C1GALT1: variants seen among roughly 807,000 people sequenced by gnomAD.
C1GALT1 encodes the protein core 1 synthase, glycoprotein-N-acetylgalactosamine 3-beta-galactosyltransferase 1.
C1GALT1 carries 11 observed loss-of-function variants against 31.0 expected under a neutral mutation model. The observed-to-expected ratio is 0.36, with a 90% CI of 0.22 to 0.59. The LOEUF is 0.59. Among genes scored for constraint, C1GALT1 ranks in the 20% least tolerant of loss-of-function variants. The probability of loss-of-function intolerance (pLI) is 0.79; values close to 1 mark genes in which losing one functional copy is unlikely to be tolerated. For synonymous variants in C1GALT1, 175 were observed against 143.6 expected (o/e 1.22, Z -1.56); for missense variants, 424 against 425.2 (o/e 1.00, Z 0.03).
In C1GALT1 at chr7:7,212,631, A is replaced by T. The variant is rs552868508; in HGVS notation, c.-17-21672A>T. On this transcript the variant is annotated intron_variant, in intron 1 of 3. Coordinates refer to ENST00000436587, the MANE Select transcript of C1GALT1 (RefSeq NM_020156.5). ...GTGGGCTGAGTCAGAGAAAGGAGTCATTGAAGGATAGTGGGATTAGCATTG... is the reference window on the plus strand; with the variant it reads ...GTGGGCTGAGTCAGAGAAAGGAGTCTTTGAAGGATAGTGGGATTAGCATTG... 1.2e-4 allele frequency among the ~76,000 whole-genome samples: 19 copies of T among 152,278 alleles called. No individual in the cohort carries two copies. In the South Asian group the frequency reaches 3.7e-3, roughly 30 times the overall value.
At chr7:7,227,732 AAAAG>A (rs1782841085) in intron 1 of C1GALT1, among the ~76,000 whole-genome samples, 1 of 142,982 alleles carries the variant, frequency 7.0e-6, no homozygotes, top group Admixed American at 7.0e-5. Context: ...AAAAAAAAAA[AAAAG>A]GGAAGAGGAA....
chr7:7,211,492 A>T (rs1165620857), intron 1 of C1GALT1, among the ~76,000 whole-genome samples: 2 of 152,256 alleles, frequency 1.3e-5, no homozygotes, highest in Non-Finnish European at 2.9e-5. Flanking sequence ...TCTAAGGATA[A>T]TAATTAAGCA....
intron 3 of C1GALT1, among the ~76,000 whole-genome samples, chr7:7,241,551 ATTTTTTGTAAGTCACCTT>A (rs1163012028): frequency 1.3e-5 from 2 of 152,052 alleles, no homozygotes; most frequent in African/African-American, 4.8e-5. Context: ...TTTGCCCAGG[ATTTTTTGTAAGTCACCTT>A]TTAGGTCCTT....
intron 1 of C1GALT1, among the ~76,000 whole-genome samples, chr7:7,193,005 TG>T (rs1359237384): frequency 1.3e-5 from 2 of 152,162 alleles, no homozygotes; most frequent in East Asian, 3.8e-4. Flanking sequence ...TGGGATTGTT[TG>T]TTTTTTTTCT....
intron 1 of C1GALT1, among the ~76,000 whole-genome samples, chr7:7,213,241 GA>G (rs1782088669): frequency 6.6e-6 from 1 of 152,148 alleles, no homozygotes; most frequent in African/African-American, 2.4e-5. Context: ...CGTCTTTTGA[GA>G]AGGAACAAAG....
At chr7:7,223,987 G>A (rs1223384658) in intron 1 of C1GALT1, among the ~76,000 whole-genome samples, 1 of 152,038 alleles carries the variant, frequency 6.6e-6, no homozygotes, top group African/African-American at 2.4e-5. Context: ...ATTGGATTTT[G>A]TCAAGTATTT....
intron 1 of C1GALT1, among the ~76,000 whole-genome samples, chr7:7,212,787 G>A (rs866413008): frequency 6.6e-6 from 1 of 152,042 alleles, no homozygotes; most frequent in Admixed American, 6.6e-5. Context: ...AGGGGAGGGT[G>A]TATTGTCACA....
In C1GALT1 at chr7:7,245,797, C is replaced by T. The variant is rs1383143502; in HGVS notation, c.*2070C>T. On this transcript the variant is annotated 3_prime_UTR_variant, in exon 4 of 4. Transcript: ENST00000436587. ...ATAGGAAATGAATATTGTGATGAAT[C>T]CTGGGCTCTAGAGTCAGACTTGCTT... 6.6e-6 allele frequency: 1 copy of T among 152,162 alleles called. No homozygotes were observed. Among genetic ancestry groups the T allele is most frequent in the Non-Finnish European group, 1.5e-5 (1 of 68,026 alleles). The allele number at this position is 152,162 out of a possible 1,614,324, so 9.4% of individuals were successfully genotyped here. A position where few individuals can be genotyped will look rare whatever the true frequency, so the allele number is the denominator to read the frequency against.
Position 7,246,851 on chromosome 7 carries a change from C to G in C1GALT1, c.*3124C>G, listed in dbSNP as rs1783867788. ...ATTTTTCAAAAAGCATGTTTTAAAT[C>G]AGTGTAGTCCAGGATCACACTATAT... is the stretch of plus-strand genomic sequence containing the variant. On this transcript the variant is annotated 3_prime_UTR_variant, in exon 4 of 4. Coordinates refer to ENST00000436587, the MANE Select transcript of C1GALT1 (RefSeq NM_020156.5). 1 of 152,128 alleles carries G rather than the reference C, an allele frequency of 6.6e-6. No individual in the cohort carries two copies. The highest frequency in any genetic ancestry group is 2.4e-5 in the African/African-American group (1 of 41,432). The allele number at this position is 152,128 out of a possible 1,614,324, so 9.4% of individuals were successfully genotyped here.
At chr7:7,202,583 T>C (rs1324912740) in intron 1 of C1GALT1, among the ~76,000 whole-genome samples, 1 of 152,214 alleles carries the variant, frequency 6.6e-6, no homozygotes, top group Non-Finnish European at 1.5e-5. Context: ...TTGTTCTGTA[T>C]GTCTGTTTTC....
Position 7,238,009 on chromosome 7 carries a change from G to A in C1GALT1, c.221-246G>A, listed in dbSNP as rs115776062. On this transcript the variant is annotated intron_variant, in intron 2 of 3. Transcript: ENST00000436587. This position sits in a 1 kb window ranked among gnomAD's most constrained non-coding sequence, Gnocchi z 5.2. Reference sequence around the variant, plus strand: ...GCTTTTAATCAGTAAACTACAGTTTGAGACGAATTTAGATTATAATGTCAA... The same window carrying A: ...GCTTTTAATCAGTAAACTACAGTTTAAGACGAATTTAGATTATAATGTCAA... Among the ~76,000 whole-genome samples the A allele has an allele frequency of 0.014, 2,083 of 152,238 alleles. 45 individuals carry two copies. The highest frequency in any genetic ancestry group is 0.047 in the African/African-American group (1,948 of 41,534).
rs566832735 is a variant in C1GALT1 at position 7,247,053 on chromosome 7, A to G, written c.*3326A>G. 6.6e-4 allele frequency: 100 copies of G among 152,312 alleles called. No homozygotes were observed. Among genetic ancestry groups the G allele is most frequent in the African/African-American group, 2.3e-3 (95 of 41,570 alleles). The allele number at this position is 152,312 out of a possible 1,614,324, so 9.4% of individuals were successfully genotyped here. A position where few individuals can be genotyped will look rare whatever the true frequency, so the allele number is the denominator to read the frequency against. On this transcript the variant is annotated 3_prime_UTR_variant, in exon 4 of 4. Transcript: ENST00000436587. Reference sequence around the variant, plus strand: ...ACTAATAAGTACATAATTTATTAAAAACATACATAAGTGTCATCAAAAAGG... The same window carrying G: ...ACTAATAAGTACATAATTTATTAAAGACATACATAAGTGTCATCAAAAAGG...
intron 1 of C1GALT1, among the ~76,000 whole-genome samples, chr7:7,185,181 T>G (rs1020082710): frequency 6.6e-6 from 1 of 152,142 alleles, no homozygotes; most frequent in Non-Finnish European, 1.5e-5. Context: ...CTAAATAAAT[T>G]ATCTAGCACC....
intron 1 of C1GALT1, among the ~76,000 whole-genome samples, chr7:7,224,933 A>AATAG (rs1338270476): frequency 6.6e-6 from 1 of 152,110 alleles, no homozygotes; most frequent in Admixed American, 6.5e-5. Context: ...GTATTTAACC[A>AATAG]ATAGATAGTT....
At chr7:7,182,885 C>G (rs907846172) in intron 1 of C1GALT1, 65 bp downstream of exon 1, 2 of 978,256 alleles carry the variant, frequency 2.0e-6, no homozygotes, top group Non-Finnish European at 1.2e-6. Flanking sequence ...GCCCTCCCCC[C>G]TCTCCGGGTT....
At position 7,210,099 on chromosome 7, in the gene C1GALT1, C is replaced by T. The variant is rs556656220; in HGVS notation, c.-17-24204C>T. On this transcript the variant is annotated intron_variant, in intron 1 of 3. Transcript: ENST00000436587. ...TTACTTCAGGCCATCTGGATGTATA[C>T]GTGCAGGTCACAGGGGATATGATGG... is the stretch of plus-strand genomic sequence containing the variant. Among the ~76,000 whole-genome samples, 64 of 152,284 alleles carry T rather than the reference C, an allele frequency of 4.2e-4. 2 individuals carry two copies. The South Asian group carries it at 9.9e-3, about 24-fold the overall frequency.
intron 2 of C1GALT1, among the ~76,000 whole-genome samples, chr7:7,161,805 A>G (rs1442319996): frequency 1.3e-5 from 2 of 152,170 alleles, no homozygotes; most frequent in African/African-American, 4.8e-5. Context: ...CATATTTTCT[A>G]TGGTAGGTGC....
chr7:7,195,466 T>C (rs1217681917), intron 1 of C1GALT1, among the ~76,000 whole-genome samples: 1 of 152,210 alleles, frequency 6.6e-6, no homozygotes, highest in East Asian at 1.9e-4. Flanking sequence ...TTAATTTCCA[T>C]GTATTTACAT....
chr7:7,176,209 C>T (rs891505153), intron 2 of C1GALT1, among the ~76,000 whole-genome samples: 4 of 152,062 alleles, frequency 2.6e-5, no homozygotes, highest in African/African-American at 7.3e-5. Context: ...GGAGATGCTT[C>T]TCTATGGAGG....
Sources: allele counts gnomAD v4.1 joint callset (sites outside exome capture counted in the v4.1 genomes callset), GRCh38; gene constraint gnomAD v4.1.1; non-coding constraint Gnocchi (gnomAD v3.1); transcripts MANE v1.5; gene names NCBI Gene and HGNC (gene_info 2026-07-23, HGNC 2026-07-21).